ATP9A: variants seen among roughly 807,000 people sequenced by gnomAD.
ATP9A encodes ATPase phospholipid transporting 9A.
In ATP9A, 52 loss-of-function variants were observed where a neutral mutation model predicts 144.1. That is an observed-to-expected ratio of 0.36 (90% CI 0.29 to 0.45). The LOEUF (loss-of-function observed/expected upper bound fraction) is 0.45. Among genes scored for constraint, ATP9A ranks in the 20% least tolerant of loss-of-function variants. The pLI is 1.00. For missense variants in ATP9A, 947 were observed against 1,392.7 expected (o/e 0.68, Z 5.09); for synonymous variants, 582 against 557.4 (o/e 1.04, Z -0.62).
At chr20:51,765,467 C>G (rs1044440271) in intron 1 of ATP9A, among the ~76,000 whole-genome samples, 3 of 151,470 alleles carry the variant, frequency 2.0e-5, no homozygotes, top group African/African-American at 7.3e-5. Flanking sequence ...CCAGCCTGAC[C>G]AACATGGAGA....
chr20:51,745,343 G>A (rs771943909), intron 1 of ATP9A, among the ~76,000 whole-genome samples: 7 of 151,466 alleles, frequency 4.6e-5, no homozygotes, highest in Non-Finnish European at 1.0e-4. Flanking sequence ...ACTGAGGCAG[G>A]AGAATCGCTT....
At chr20:51,733,337 A>G (rs1233045770) in intron 1 of ATP9A, among the ~76,000 whole-genome samples, 3 of 152,084 alleles carry the variant, frequency 2.0e-5, no homozygotes, top group African/African-American at 7.2e-5. Context: ...CAAGATGGAG[A>G]CACCAATAGA....
chr20:51,758,930 A>T (rs548942263), intron 1 of ATP9A, among the ~76,000 whole-genome samples: 1 of 152,274 alleles, frequency 6.6e-6, no homozygotes, highest in East Asian at 1.9e-4. Context: ...GTCTCAAAAA[A>T]GAAAAGAAAG....
At chr20:51,739,544 CAG>C (rs1463307903) in intron 1 of ATP9A, among the ~76,000 whole-genome samples, 1 of 151,854 alleles carries the variant, frequency 6.6e-6, no homozygotes, top group East Asian at 1.9e-4. Context: ...TTAGCAGAGA[CAG>C]GGTTTCACCT....
intron 3 of ATP9A, among the ~76,000 whole-genome samples, chr20:51,714,318 G>A (rs1014848264): frequency 2.6e-5 from 4 of 151,658 alleles, no homozygotes; most frequent in Admixed American, 2.6e-4. Context: ...GAGTAGCTGG[G>A]ACCACAGGTG....
At chr20:51,720,930 T>C (rs2077686169) in intron 3 of ATP9A, among the ~76,000 whole-genome samples, 2 of 152,230 alleles carry the variant, frequency 1.3e-5, no homozygotes, top group South Asian at 4.1e-4. Context: ...TGCCACCTGA[T>C]ACAGGCAGGA....
Position 51,610,103 on chromosome 20 carries a change from A to T in ATP9A, c.2634T>A (p.Ile878=), listed in dbSNP as rs772980024. Residue 878 remains isoleucine (I), a splice_region_variant and synonymous_variant, in exon 24 of 28, where the codon ATT becomes ATA. Coordinates refer to ENST00000338821, the MANE Select transcript of ATP9A (RefSeq NM_006045.3). ...ATTCCTTGGCAGGATTTCCTTACCC[A>T]ATGATGAGGAATCCTTGATAGAGAG... The part of the protein sequence containing the change: ...SVPLYQGFLI[I]GYSTIYTMFP... 3.1e-6 allele frequency: 5 copies of T among 1,593,804 alleles called. No individual in the cohort carries two copies. Among genetic ancestry groups the T allele is most frequent in the Non-Finnish European group, 4.3e-6 (5 of 1,161,580 alleles).
chr20:51,726,650 C>T lies in ATP9A; in HGVS notation c.214-718G>A, dbSNP rs557489697. 1.9e-3 allele frequency among the ~76,000 whole-genome samples: 290 copies of T among 152,188 alleles called. 3 individuals carry two copies. Among genetic ancestry groups the T allele is most frequent in the African/African-American group, 6.7e-3 (279 of 41,534 alleles). On this transcript the variant is annotated intron_variant, in intron 2 of 27. Transcript: ENST00000338821. ...CTGGAGTCCAGTGGCGTGATCGTAG[C>T]TCACTGCAGCCTCGAATTCCTGGGC...
chr20:51,765,208 C>T lies in ATP9A; in HGVS notation c.68+3094G>A, dbSNP rs118074393. Among the ~76,000 whole-genome samples the T allele has an allele frequency of 4.2e-3, 639 of 152,270 alleles. 4 individuals are homozygous for T. The highest frequency in any genetic ancestry group is 6.7e-3 in the Non-Finnish European group (457 of 68,018). Reference sequence around the variant, plus strand: ...GCCCCTAGTTCTATTTCAGGAAGCTCCTCCATCTCTCTGTGCTTCTCAAGA... The same window carrying T: ...GCCCCTAGTTCTATTTCAGGAAGCTTCTCCATCTCTCTGTGCTTCTCAAGA... On this transcript the variant is annotated intron_variant, in intron 1 of 27. Transcript: ENST00000338821.
At chr20:51,723,311 C>T (rs1031028136) in intron 3 of ATP9A, among the ~76,000 whole-genome samples, 3 of 151,878 alleles carry the variant, frequency 2.0e-5, no homozygotes, top group Admixed American at 6.6e-5. Flanking sequence ...GTATACTGCT[C>T]GGGTGATGAG....
intron 18 of ATP9A, among the ~76,000 whole-genome samples, chr20:51,622,585 T>A (rs2077231280): frequency 6.6e-6 from 1 of 152,208 alleles, no homozygotes; most frequent in Non-Finnish European, 1.5e-5. Flanking sequence ...ACTTTCTATG[T>A]AGTTGGATGA....
intron 7 of ATP9A, among the ~76,000 whole-genome samples, chr20:51,692,414 T>C (rs1488342194): frequency 3.3e-5 from 5 of 152,226 alleles, no homozygotes; most frequent in African/African-American, 1.2e-4. Flanking sequence ...GCAGTCACTG[T>C]TAGAACAGTG....
intron 16 of ATP9A, 53 bp from the exon 17 acceptor site, chr20:51,627,736 A>C (rs2077255344): frequency 6.7e-7 from 1 of 1,484,674 alleles, no homozygotes; most frequent in Non-Finnish European, 9.4e-7. Context: ...TCCTGACCTC[A>C]CTGGGGAAGG....
rs778440862 is a variant in ATP9A at position 51,642,726 on chromosome 20, C to CAAAAAAAAAAAAA, written c.1507-3235_1507-3223dup. On this transcript the variant is annotated intron_variant, in intron 14 of 27. Coordinates refer to ENST00000338821, the MANE Select transcript of ATP9A (RefSeq NM_006045.3). ...GGGTGACTGAGTGAGACTCTGTCTC[C>CAAAAAAAAAAAAA]AAAAAAAAAAAAAAAAAAAAAAAAA... is the stretch of plus-strand genomic sequence containing the variant. Among the ~76,000 whole-genome samples, 181 of 31,134 alleles carry CAAAAAAAAAAAAA rather than the reference C, an allele frequency of 5.8e-3. 7 individuals carry two copies. Among genetic ancestry groups the CAAAAAAAAAAAAA allele is most frequent in the Non-Finnish European group, 9.8e-3 (132 of 13,450 alleles). 20.4% of individuals were successfully genotyped at this position (31,134 alleles called of 152,430 possible). A position where few individuals can be genotyped will look rare whatever the true frequency, so the allele number is the denominator to read the frequency against.
At chr20:51,696,274 C>T (rs2077570583) in intron 5 of ATP9A, 130 bp from the exon 6 acceptor site, 4 of 663,364 alleles carry the variant, frequency 6.0e-6, no homozygotes, top group Admixed American at 5.4e-5. Flanking sequence ...CTCACAGACT[C>T]TTTTACGTTT....
intron 1 of ATP9A, among the ~76,000 whole-genome samples, chr20:51,766,839 C>CAAT (rs763147791): frequency 1.3e-5 from 2 of 151,750 alleles, no homozygotes; most frequent in African/African-American, 2.4e-5. Flanking sequence ...GACTCCGTCT[C>CAAT]AATAATAATA....
chr20:51,634,825 A>C lies in ATP9A; in HGVS notation c.1668+4518T>G, dbSNP rs1297686910. Among the ~76,000 whole-genome samples the C allele has an allele frequency of 5.4e-5, 8 of 149,270 alleles. 1 individual carries two copies. In the South Asian group the frequency reaches 1.1e-3, roughly 20 times the overall value. ...AGCTGAGATCACGCCATTGCACTCCAGTCTGGGAAACAAAAACAAAACTCC... is the reference window on the plus strand; with the variant it reads ...AGCTGAGATCACGCCATTGCACTCCCGTCTGGGAAACAAAAACAAAACTCC... On this transcript the variant is annotated intron_variant, in intron 15 of 27. Transcript: ENST00000338821.
intron 4 of ATP9A, among the ~76,000 whole-genome samples, chr20:51,708,294 TAA>T (rs772217606): frequency 1.4e-5 from 2 of 138,130 alleles, no homozygotes; most frequent in Non-Finnish European, 1.6e-5. Context: ...CTCTATGATT[TAA>T]AAAAAAAAAA....
At chr20:51,714,425 AG>A (rs1244889630) in intron 3 of ATP9A, among the ~76,000 whole-genome samples, 2 of 152,012 alleles carry the variant, frequency 1.3e-5, no homozygotes, top group Non-Finnish European at 2.9e-5. Flanking sequence ...TCTGTTACCC[AG>A]GATGGAGTGC....
Sources: gnomAD v4.1 joint callset for allele counts (sites outside exome capture counted in the v4.1 genomes callset) on GRCh38, gnomAD v4.1.1 for gene constraint, MANE v1.5 for transcripts, NCBI Gene and HGNC (gene_info 2026-07-23, HGNC 2026-07-21) for gene names.